Variants in YEATS4 observed in about 807,000 individuals in gnomAD.
The protein encoded by YEATS4 is YEATS domain-containing protein 4.
Under a neutral mutation model 30.1 loss-of-function variants are expected in YEATS4, and 17 were observed. That is an observed-to-expected ratio of 0.56 (90% confidence interval 0.39 to 0.85). The LOEUF is 0.85. Ranked by LOEUF, YEATS4 falls within the 40% of genes least tolerant of loss-of-function variation. The probability of loss-of-function intolerance (pLI) is 0.00; values close to 1 mark genes in which losing one functional copy is unlikely to be tolerated. For missense variants in YEATS4, 142 were observed against 268.3 expected (o/e 0.53, Z 3.29); for synonymous variants, 85 against 87.5 (o/e 0.97, Z 0.16).
At chr12:69,399,931 C>T in the YEATS4 span, among the ~76,000 whole-genome samples, 8 of 152,076 alleles carry the variant, frequency 5.3e-5, no homozygotes, top group Non-Finnish European at 1.0e-4. Flanking sequence ...TAGGTAAATC[C>T]ATAGAGACAG....
chr12:69,374,172 A>G (rs1474706043), intron 6 of YEATS4, among the ~76,000 whole-genome samples: 1 of 150,006 alleles, frequency 6.7e-6, no homozygotes, highest in Admixed American at 6.6e-5. Context: ...GAAGAATGTC[A>G]TTTGTATTTT....
At chr12:69,395,726 G>A (rs1027046721), downstream of YEATS4, among the ~76,000 whole-genome samples, 1 of 152,178 alleles carries the variant, frequency 6.6e-6, no homozygotes, top group African/African-American at 2.4e-5. Flanking sequence ...AGTATCATGT[G>A]ACAGTTCAAA....
At chr12:69,395,682 G>A (rs1188065089), downstream of YEATS4, among the ~76,000 whole-genome samples, 3 of 152,150 alleles carry the variant, frequency 2.0e-5, no homozygotes, top group African/African-American at 7.2e-5. Context: ...AAAAACAGAT[G>A]TCTTGATTAA....
At chr12:69,379,789 C>T (rs904431330) in intron 6 of YEATS4, among the ~76,000 whole-genome samples, 4 of 151,740 alleles carry the variant, frequency 2.6e-5, no homozygotes, top group African/African-American at 9.7e-5. Flanking sequence ...AGATGTGCTT[C>T]ATTTTCTCTT....
chr12:69,425,749 G>A, the YEATS4 span, among the ~76,000 whole-genome samples: 391 of 152,244 alleles, frequency 2.6e-3, 18 homozygotes, highest in Admixed American at 0.023. Flanking sequence ...GAGCCCACAC[G>A]TTAAGTCATC....
Position 69,388,675 on chromosome 12 carries a change from TA to T in YEATS4, c.515-1471del, listed in dbSNP as rs1194386750. Among the ~76,000 whole-genome samples the T allele has an allele frequency of 9.2e-5, 14 of 152,374 alleles. No individual in the cohort carries two copies. The East Asian group carries it at 2.5e-3, about 27-fold the overall frequency. ...GTCCTGTTTTGCAGTAACATTTCTT[TA>T]GTACTTTGTTATAGATAGATAGTTT... is the stretch of plus-strand genomic sequence containing the variant. On this transcript the variant is annotated intron_variant, in intron 6 of 6. Transcript: ENST00000247843.
the YEATS4 span, among the ~76,000 whole-genome samples, chr12:69,400,372 TACTC>T: frequency 6.6e-6 from 1 of 152,092 alleles, no homozygotes; most frequent in Non-Finnish European, 1.5e-5. Context: ...TATCTAATAA[TACTC>T]AATAAAATAG....
intron 6 of YEATS4, among the ~76,000 whole-genome samples, chr12:69,381,302 GC>G (rs1364059596): frequency 6.6e-6 from 1 of 152,196 alleles, no homozygotes; most frequent in African/African-American, 2.4e-5. Context: ...TCTGTCATTT[GC>G]TTTTGAAAGA....
intron 6 of YEATS4, among the ~76,000 whole-genome samples, chr12:69,384,608 T>C: frequency 6.6e-6 from 1 of 152,236 alleles, no homozygotes. Flanking sequence ...TAGTTAAAGA[T>C]ATTTAAATGT....
chr12:69,368,319 A>G (rs761778935), intron 4 of YEATS4, among the ~76,000 whole-genome samples: 4 of 152,214 alleles, frequency 2.6e-5, no homozygotes, highest in Non-Finnish European at 5.9e-5. Context: ...CAAAATGTCA[A>G]ATTGAGTTTT....
intron 6 of YEATS4, among the ~76,000 whole-genome samples, chr12:69,372,024 T>C (rs144312882): frequency 9.2e-4 from 139 of 151,676 alleles, no homozygotes; most frequent in African/African-American, 3.3e-3. Context: ...GTGACTAGAG[T>C]AGAGTGAACA....
chr12:69,387,977 A>G (rs547402817), intron 6 of YEATS4, among the ~76,000 whole-genome samples: 28 of 152,390 alleles, frequency 1.8e-4, no homozygotes, highest in African/African-American at 5.8e-4. Flanking sequence ...TGTTTTGACA[A>G]TCACAAAAAG....
chr12:69,403,903 C>G, the YEATS4 span, among the ~76,000 whole-genome samples: 1 of 152,026 alleles, frequency 6.6e-6, no homozygotes, highest in African/African-American at 2.4e-5. Context: ...AAATTCCTTT[C>G]TCTTTCTTCT....
rs115702176 is a variant in YEATS4 at position 69,360,515 on chromosome 12, A to T, written c.51+492A>T. Among the ~76,000 whole-genome samples, 239 of 152,344 alleles carry T rather than the reference A, an allele frequency of 1.6e-3. 2 individuals are homozygous for T. Among genetic ancestry groups the T allele is most frequent in the African/African-American group, 5.6e-3 (232 of 41,576 alleles). On this transcript the variant is annotated intron_variant, in intron 1 of 6. Transcript: ENST00000247843. ...TTGCTGGAGTTCATGGTGTTCACAA[A>T]GCCTCAAAGCAAGAGCATAACACTG... is the stretch of plus-strand genomic sequence containing the variant.
intron 6 of YEATS4, among the ~76,000 whole-genome samples, chr12:69,377,382 T>C (rs1875909933): frequency 6.6e-6 from 1 of 152,160 alleles, no homozygotes; most frequent in Non-Finnish European, 1.5e-5. Context: ...TTTTTCAGTT[T>C]CCATCTGTCC....
At chr12:69,407,736 G>A in the YEATS4 span, among the ~76,000 whole-genome samples, 8 of 67,310 alleles carry the variant, frequency 1.2e-4, no homozygotes, top group Non-Finnish European at 1.8e-4. Flanking sequence ...TTTTTTTTGA[G>A]ATGGACTTTT....
chr12:69,360,091 G>A (rs1175263673), intron 1 of YEATS4, 68 bp downstream of exon 1: 8 of 1,561,664 alleles, frequency 5.1e-6, no homozygotes, highest in East Asian at 4.7e-5. Context: ...CGCGGCGCGG[G>A]GAGGGCCCAC....
intron 6 of YEATS4, among the ~76,000 whole-genome samples, chr12:69,377,973 G>T (rs563084675): frequency 1.3e-5 from 2 of 152,242 alleles, no homozygotes; most frequent in Admixed American, 1.3e-4. Context: ...TTGTATTGGG[G>T]TCTATCTCTC....
downstream of YEATS4, among the ~76,000 whole-genome samples, chr12:69,394,759 C>T (rs1868339133): frequency 1.3e-5 from 2 of 152,054 alleles, no homozygotes; most frequent in South Asian, 4.1e-4. Flanking sequence ...ACCACCATGC[C>T]CAGCTAATTT....
Sources: allele counts gnomAD v4.1 joint callset (sites outside exome capture counted in the v4.1 genomes callset), GRCh38; gene constraint gnomAD v4.1.1; transcripts MANE v1.5; gene names NCBI Gene and HGNC (gene_info 2026-07-23, HGNC 2026-07-21).